Variants in ASTN2 observed in about 807,000 individuals in gnomAD.
The protein encoded by ASTN2 is astrotactin 2.
In ASTN2, 54 loss-of-function variants were observed where a neutral mutation model predicts 139.8. The ratio of observed to expected loss-of-function variants is 0.39; its 90% CI spans 0.31 to 0.48. ASTN2 has a LOEUF of 0.48. Among genes scored for constraint, ASTN2 ranks in the 20% least tolerant of loss-of-function variants. ASTN2 has a pLI of 0.95. For synonymous variants in ASTN2, 756 were observed against 719.5 expected (o/e 1.05, Z -0.81); for missense variants, 1,565 against 1,725.1 (o/e 0.91, Z 1.64).
intron 17 of ASTN2, 144 bp from the exon 18 acceptor site, chr9:116,620,587 CT>C (rs1285883868): frequency 2.9e-6 from 3 of 1,035,422 alleles, no homozygotes; most frequent in Non-Finnish European, 4.3e-6. Flanking sequence ...CCCTAAGTTC[CT>C]TGCACTCTAC....
chr9:116,632,677 A>G (rs1186710646), intron 17 of ASTN2, among the ~76,000 whole-genome samples: 1 of 152,216 alleles, frequency 6.6e-6, no homozygotes, highest in Non-Finnish European at 1.5e-5. Flanking sequence ...GGGTTCCCCC[A>G]GCCTATAATG....
chr9:117,183,435 T>C (rs1831123711), intron 3 of ASTN2, among the ~76,000 whole-genome samples: 1 of 152,222 alleles, frequency 6.6e-6, no homozygotes, highest in African/African-American at 2.4e-5. Flanking sequence ...CCTTTAAGCA[T>C]TGTGACATGT....
At chr9:116,585,988 G>T (rs949768270) in intron 19 of ASTN2, 1 of 152,062 alleles carries the variant, frequency 6.6e-6, no homozygotes, top group African/African-American at 2.4e-5. Context: ...ATGGGCAAAA[G>T]ACATTAACAG....
In ASTN2 at chr9:116,550,741, C is replaced by T. The variant is rs78678642; in HGVS notation, c.3356-63241G>A. ...TATCCCTGAGAGATAGGCAGGAATTCCTGTCCCTGACAAATGCAGAAAGAT... is the reference window on the plus strand; with the variant it reads ...TATCCCTGAGAGATAGGCAGGAATTTCTGTCCCTGACAAATGCAGAAAGAT... On this transcript the variant is annotated intron_variant, in intron 19 of 22. Transcript: ENST00000313400. Among the ~76,000 whole-genome samples, 208 of 152,292 alleles carry T rather than the reference C, an allele frequency of 1.4e-3. 1 individual carries two copies. The highest frequency in any genetic ancestry group is 2.1e-3 in the Non-Finnish European group (145 of 68,030).
intron 19 of ASTN2, chr9:116,584,415 A>G (rs2900131): frequency 0.4 from 61,337 of 152,062 alleles, 13,287 homozygotes; most frequent in Admixed American, 0.5. Flanking sequence ...AAAAAATTCC[A>G]AGAGAAAAGT....
intron 13 of ASTN2, among the ~76,000 whole-genome samples, chr9:116,747,697 A>G (rs1436452184): frequency 1.6e-4 from 1 of 6,152 alleles, no homozygotes; most frequent in African/African-American, 1.9e-4. Context: ...GCATGAGCAC[A>G]CACACACACA....
At position 116,917,042 on chromosome 9, in the gene ASTN2, G is replaced by A. The variant is rs561139694; in HGVS notation, c.1890-53309C>T. ...TGCTTAAGTGACAGGGAAGTCTTGT[G>A]GACTCCTGTGGATTGCAAAGACCCC... On this transcript the variant is annotated intron_variant, in intron 10 of 22. Coordinates refer to ENST00000313400, the MANE Select transcript of ASTN2 (RefSeq NM_001365068.1). 1.8e-4 allele frequency among the ~76,000 whole-genome samples: 28 copies of A among 151,838 alleles called. 1 individual carries two copies. The South Asian group carries it at 5.4e-3, about 29-fold the overall frequency.
chr9:116,656,836 T>C (rs558214177), intron 16 of ASTN2, among the ~76,000 whole-genome samples: 3 of 152,290 alleles, frequency 2.0e-5, no homozygotes, highest in South Asian at 4.1e-4. Context: ...GAGCCAAAGC[T>C]GCACGGATGT....
At position 117,269,703 on chromosome 9, in the gene ASTN2, AGCAAACAAAATG is replaced by A. The variant is rs555489592; in HGVS notation, c.630+21611_630+21622del. On this transcript the variant is annotated intron_variant, in intron 2 of 22. Coordinates refer to ENST00000313400, the MANE Select transcript of ASTN2 (RefSeq NM_001365068.1). ...ATCACAGATTATTTTTAATGCTCAC[AGCAAACAAAATG>A]GTGTAAGTCTAGCCATCATTCTAAT... 1.2e-3 allele frequency among the ~76,000 whole-genome samples: 187 copies of A among 152,348 alleles called. 1 individual carries two copies. Among genetic ancestry groups the A allele is most frequent in the African/African-American group, 4.4e-3 (183 of 41,580 alleles).
At chr9:117,027,456 A>T (rs541238888) in intron 6 of ASTN2, among the ~76,000 whole-genome samples, 1 of 152,196 alleles carries the variant, frequency 6.6e-6, no homozygotes, top group African/African-American at 2.4e-5. Flanking sequence ...TCATGCCCCC[A>T]TGGAGCCCCA....
At chr9:116,582,852 C>T (rs1340260636) in intron 19 of ASTN2, 1 of 152,206 alleles carries the variant, frequency 6.6e-6, no homozygotes, top group African/African-American at 2.4e-5. Flanking sequence ...AGGATAAAGT[C>T]CAAGTAGCTT....
intron 10 of ASTN2, among the ~76,000 whole-genome samples, chr9:116,919,458 G>A (rs759930497): frequency 6.6e-6 from 1 of 152,116 alleles, no homozygotes; most frequent in East Asian, 1.9e-4. Context: ...CACTGTGAAC[G>A]TTTTAACAAT....
intron 3 of ASTN2, among the ~76,000 whole-genome samples, chr9:117,176,011 G>A (rs1171312582): frequency 6.6e-6 from 1 of 151,100 alleles, no homozygotes; most frequent in Admixed American, 6.6e-5. Flanking sequence ...ATATTTATAA[G>A]GAACATTTAC....
At chr9:116,753,944 G>A (rs1025678084) in intron 13 of ASTN2, among the ~76,000 whole-genome samples, 29 of 151,040 alleles carry the variant, frequency 1.9e-4, no homozygotes, top group Non-Finnish European at 3.7e-4. Context: ...AACCCTCCCC[G>A]AGCCCCACAC....
At chr9:116,709,934 A>C (rs1053424877) in intron 16 of ASTN2, among the ~76,000 whole-genome samples, 8 of 152,252 alleles carry the variant, frequency 5.3e-5, no homozygotes, top group African/African-American at 1.9e-4. Context: ...ATTAAATGAA[A>C]CATGCCACAT....
chr9:116,900,915 A>T lies in ASTN2; in HGVS notation c.1890-37182T>A, dbSNP rs375127906. ...TGCCATAAGCTTCTCCCGGCTTGCC[A>T]GCGGGTAAAACGTTTTACCATATCC... On this transcript the variant is annotated intron_variant, in intron 10 of 22. Coordinates refer to ENST00000313400, the MANE Select transcript of ASTN2 (RefSeq NM_001365068.1). Among the ~76,000 whole-genome samples the T allele has an allele frequency of 3.9e-5, 6 of 152,318 alleles. No individual in the cohort carries two copies. The East Asian group carries it at 1.2e-3, about 29-fold the overall frequency.
chr9:117,393,079 A>G (rs1305427336), intron 1 of ASTN2, among the ~76,000 whole-genome samples: 1 of 152,210 alleles, frequency 6.6e-6, no homozygotes, highest in Non-Finnish European at 1.5e-5. Flanking sequence ...TTCTGACCTC[A>G]CATGAAAGCT....
At position 116,933,772 on chromosome 9, in the gene ASTN2, C is replaced by T. The variant is rs1339152151; in HGVS notation, c.1889+41436G>A. 2.6e-5 allele frequency among the ~76,000 whole-genome samples: 4 copies of T among 151,740 alleles called. No homozygotes were observed. In the East Asian group the frequency reaches 7.7e-4, roughly 29 times the overall value. The stretch of plus-strand genomic sequence containing the variant: ...AGTCTGTACAGGATGCTACACCAGG[C>T]AAAAACAAAAAACAAAAACAATACT... On this transcript the variant is annotated intron_variant, in intron 10 of 22. Coordinates refer to ENST00000313400, the MANE Select transcript of ASTN2 (RefSeq NM_001365068.1).
intron 1 of ASTN2, among the ~76,000 whole-genome samples, chr9:117,338,953 T>G (rs1262512069): frequency 6.6e-6 from 1 of 152,022 alleles, no homozygotes. Context: ...ATCAACCACA[T>G]GAGTTAATGC....
Sources: gnomAD v4.1 joint callset for allele counts (sites outside exome capture counted in the v4.1 genomes callset) on GRCh38, gnomAD v4.1.1 for gene constraint, MANE v1.5 for transcripts, NCBI Gene and HGNC (gene_info 2026-07-23, HGNC 2026-07-21) for gene names.